Variants in ZNF112 observed in about 807,000 individuals in gnomAD.
ZNF112 encodes the protein zinc finger protein 112 (Y14).
Under a neutral mutation model 77.7 loss-of-function variants are expected in ZNF112, and 37 were observed. That is an observed-to-expected ratio of 0.48 (90% CI 0.37 to 0.63). The LOEUF is 0.63. Among genes scored for constraint, ZNF112 ranks in the 20% least tolerant of loss-of-function variants. ZNF112 has a pLI of 0.00. For missense variants in ZNF112, 950 were observed against 1,077.4 expected, an observed-to-expected ratio of 0.88 and a Z score of 1.66; for synonymous variants, 333 against 363.6, an observed-to-expected ratio of 0.92 and a Z score of 0.96.
At chr19:44,341,109 A>G (rs1314382187) in intron 1 of ZNF112, 1 of 456,098 alleles carries the variant, frequency 2.2e-6, no homozygotes, top group Non-Finnish European at 4.4e-6. Flanking sequence ...TGAAACTTAT[A>G]CCATACAGTC....
At chr19:44,367,167 G>A (rs1157660253) in exon 1 of ZNF112, 3 of 455,888 alleles carry the variant, frequency 6.6e-6, no homozygotes, top group African/African-American at 6.0e-5. Flanking sequence ...ACGAAACATT[G>A]CTGTCTCAGG....
Position 44,328,298 on chromosome 19 carries a change from C to A in ZNF112, c.1859G>T (p.Gly620Val). 1 of 1,609,592 alleles carries A rather than the reference C, an allele frequency of 6.2e-7. No homozygotes were observed. Among genetic ancestry groups the A allele is most frequent in the Non-Finnish European group, 8.5e-7 (1 of 1,178,510 alleles). The change falls in exon 4 of 4, where the codon GGC (glycine) becomes GTC (valine). Residue 620 changes from glycine (G) to valine (V), a missense_variant. Around this residue, in one of 3 missense-constraint regions of ZNF112, gnomAD observed 373 missense variants for 482.8 expected, o/e 0.77. Coordinates refer to ENST00000354340, the MANE Select transcript of ZNF112 (RefSeq NM_013380.4). ...TTCTCCAGTGTGGACTCTCTGATGGCCTTGAAGGTGTGAACTCCGACTGAA... is the reference window on the plus strand; with the variant it reads ...TTCTCCAGTGTGGACTCTCTGATGGACTTGAAGGTGTGAACTCCGACTGAA... ...KGFSRSSHLQGHQRVHTGEKP... is the reference protein window; with the variant it reads ...KGFSRSSHLQVHQRVHTGEKP...
chr19:44,355,723 C>T (rs1382664459), intron 1 of ZNF112, among the ~76,000 whole-genome samples: 2 of 152,212 alleles, frequency 1.3e-5, no homozygotes. Flanking sequence ...TCATATCAAA[C>T]TCTTAGAATG....
Position 44,329,278 on chromosome 19 carries a change from T to C in ZNF112, c.879A>G (p.Ser293=). 1.2e-6 allele frequency: 2 copies of C among 1,613,984 alleles called. No homozygotes were observed. The highest frequency in any genetic ancestry group is 2.2e-5 in the East Asian group (1 of 44,870). ...SSCGKGCNYS[S]LLHIHQNIER... is the part of the protein sequence containing the mutation. ...CAATATTTTGATGAATATGAAGAAG[T>C]GAACTATAATTACAGCCCTTTCCAC... The change falls in exon 4 of 4, where the codon TCA becomes TCG. Residue 293 remains serine, a synonymous_variant. Transcript: ENST00000354340.
chr19:44,345,910 C>A (rs1970580783), intron 1 of ZNF112, among the ~76,000 whole-genome samples: 1 of 152,186 alleles, frequency 6.6e-6, no homozygotes, highest in Non-Finnish European at 1.5e-5. Flanking sequence ...GTGAGTATTT[C>A]AGGCTTTGTG....
chr19:44,365,022 C>T (rs1358769078), intron 1 of ZNF112, among the ~76,000 whole-genome samples: 2 of 151,798 alleles, frequency 1.3e-5, no homozygotes, highest in Admixed American at 6.6e-5. Flanking sequence ...GTTCCCTTCC[C>T]TTTTCGTTTC....
chr19:44,357,872 CTCAA>C (rs1970810557), upstream of ZNF112, among the ~76,000 whole-genome samples: 1 of 152,090 alleles, frequency 6.6e-6, no homozygotes, highest in African/African-American at 2.4e-5. Flanking sequence ...AATGGGTTGA[CTCAA>C]TCCAGAAAAG....
At chr19:44,343,732 A>T (rs1970535423) in intron 1 of ZNF112, among the ~76,000 whole-genome samples, 1 of 152,206 alleles carries the variant, frequency 6.6e-6, no homozygotes, top group South Asian at 2.1e-4. Context: ...AATCCAGACC[A>T]CACAGTGCCA....
chr19:44,328,886 A>G lies in ZNF112; in HGVS notation c.1271T>C (p.Leu424Pro). 1 of 1,614,058 alleles carries G rather than the reference A, an allele frequency of 6.2e-7. No individual in the cohort carries two copies. Among genetic ancestry groups the G allele is most frequent in the Non-Finnish European group, 8.5e-7 (1 of 1,179,996 alleles). ...CATATGAACCCTATGCTGAATGTCAAGATTTGAACTACAAATGAAACTCTT... is the reference window on the plus strand; with the variant it reads ...CATATGAACCCTATGCTGAATGTCAGGATTTGAACTACAAATGAAACTCTT... ...YGKSFICSSN[L>P]DIQHRVHMEE... The change falls in exon 4 of 4, where the codon CTT (leucine) becomes CCT (proline). Residue 424 changes from leucine to proline, a missense_variant. Transcript: ENST00000354340.
At chr19:44,330,452 A>G (rs1453875894) in intron 3 of ZNF112, among the ~76,000 whole-genome samples, 2 of 152,084 alleles carry the variant, frequency 1.3e-5, no homozygotes, top group African/African-American at 2.4e-5. Context: ...AACCATAAAC[A>G]TGGCTGGGCA....
At chr19:44,347,855 C>T (rs1056834625) in intron 1 of ZNF112, among the ~76,000 whole-genome samples, 7 of 152,018 alleles carry the variant, frequency 4.6e-5, no homozygotes, top group African/African-American at 1.7e-4. Context: ...TCTGAAGTTC[C>T]TAGTTTCCAT....
At chr19:44,338,831 G>A (rs1306742453) in intron 2 of ZNF112, among the ~76,000 whole-genome samples, 2 of 152,210 alleles carry the variant, frequency 1.3e-5, no homozygotes, top group African/African-American at 4.8e-5. Flanking sequence ...GGGAGGCTGA[G>A]GCAGGTGGAT....
In ZNF112 at chr19:44,327,384, A is replaced by C. The variant is rs753549194; in HGVS notation, c.*49T>G. ...TTTAATTTTTAAAAATTCTTTTTCTACTGAAAGAACTCTAGTGACTGGAAA... is the reference window on the plus strand; with the variant it reads ...TTTAATTTTTAAAAATTCTTTTTCTCCTGAAAGAACTCTAGTGACTGGAAA... On this transcript the variant is annotated 3_prime_UTR_variant, in exon 4 of 4. Coordinates refer to ENST00000354340, the MANE Select transcript of ZNF112 (RefSeq NM_013380.4). The C allele has an allele frequency of 2.1e-6, 3 of 1,448,576 alleles. No homozygotes were observed. In the South Asian group the frequency reaches 4.2e-5, roughly 20 times the overall value. The allele number at this position is 1,448,576 out of a possible 1,614,324, so 89.7% of individuals were successfully genotyped here. A position where few individuals can be genotyped will look rare whatever the true frequency, so the allele number is the denominator to read the frequency against.
At chr19:44,354,568 T>C (rs1970751679) in intron 1 of ZNF112, among the ~76,000 whole-genome samples, 1 of 152,118 alleles carries the variant, frequency 6.6e-6, no homozygotes, top group Non-Finnish European at 1.5e-5. Flanking sequence ...TTAAGTGAGA[T>C]TAAGGAATAT....
At chr19:44,361,955 TAA>T (rs1970858752) in intron 1 of ZNF112, among the ~76,000 whole-genome samples, 1 of 152,166 alleles carries the variant, frequency 6.6e-6, no homozygotes, top group African/African-American at 2.4e-5. Flanking sequence ...GCTCTTAAAA[TAA>T]AGTCTATTTT....
intron 3 of ZNF112, among the ~76,000 whole-genome samples, chr19:44,330,250 AT>A (rs1436230974): frequency 6.6e-6 from 1 of 152,180 alleles, no homozygotes; most frequent in Non-Finnish European, 1.5e-5. Flanking sequence ...GGTAAGTATA[AT>A]GCAAATACTC....
rs199648545 is a variant in ZNF112, at chr19:44,363,965, G to A, written c.17+3116C>T. On this transcript the variant is annotated intron_variant, in intron 1 of 4. Transcript: ENST00000588057. ...ACTCTTGTCATGCAGGCTGGAGTGC[G>A]GTGGCATGATCTTGGCTCACTGCAA... Among the ~76,000 whole-genome samples the A allele has an allele frequency of 5.3e-4, 81 of 152,084 alleles. 1 individual carries two copies. The highest frequency in any genetic ancestry group is 1.0e-3 in the Non-Finnish European group (69 of 67,992).
At position 44,329,236 on chromosome 19, in the gene ZNF112, A is replaced by G. The variant is rs143275482; in HGVS notation, c.921T>C (p.Ile307=). 2 of 1,613,712 alleles carry G rather than the reference A, an allele frequency of 1.2e-6. No homozygotes were observed. The highest frequency in any genetic ancestry group is 1.7e-6 in the Non-Finnish European group (2 of 1,179,978). Residue 307 remains isoleucine, a synonymous_variant, in exon 4 of 4, where the codon ATT becomes ATC. Coordinates refer to ENST00000354340, the MANE Select transcript of ZNF112 (RefSeq NM_013380.4). ...GATAGGATTTCAGATGTGAATTCTCAATATCATCTTCTCTCTCAATATTTT... is the reference window on the plus strand; with the variant it reads ...GATAGGATTTCAGATGTGAATTCTCGATATCATCTTCTCTCTCAATATTTT... ...IHQNIEREDD[I]ENSHLKSYQR...
At chr19:44,354,380 C>T (rs1304120027) in intron 1 of ZNF112, among the ~76,000 whole-genome samples, 1 of 152,008 alleles carries the variant, frequency 6.6e-6, no homozygotes, top group Non-Finnish European at 1.5e-5. Flanking sequence ...TTTTTAAAAA[C>T]CTGTTTTAAA....
Sources: allele counts gnomAD v4.1 joint callset (sites outside exome capture counted in the v4.1 genomes callset), GRCh38; gene constraint gnomAD v4.1.1; regional missense constraint gnomAD v4.1.1; transcripts MANE v1.5; gene names NCBI Gene and HGNC (gene_info 2026-07-23, HGNC 2026-07-21).